Variants in RIMS3 observed in about 807,000 individuals in gnomAD.
The protein encoded by RIMS3 is regulating synaptic membrane exocytosis protein 3.
Under a neutral mutation model 29.2 loss-of-function variants are expected in RIMS3, and 15 were observed. The ratio of observed to expected loss-of-function variants is 0.51; its 90% CI spans 0.34 to 0.79. The LOEUF (loss-of-function observed/expected upper bound fraction) is 0.79. RIMS3 is among the 30% of genes least tolerant of loss of function. RIMS3 has a pLI of 0.01. For synonymous variants in RIMS3, 161 were observed against 170.1 expected (o/e 0.95, Z 0.41); for missense variants, 342 against 421.4 (o/e 0.81, Z 1.65).
chr1:40,645,943 G>A (rs1570187394), intron 2 of RIMS3, among the ~76,000 whole-genome samples: 1 of 152,188 alleles, frequency 6.6e-6, no homozygotes, highest in African/African-American at 2.4e-5. Flanking sequence ...CACTCCCCAA[G>A]GGGCAGGAGG....
At chr1:40,674,093 A>G in the RIMS3 span, among the ~76,000 whole-genome samples, 1 of 152,232 alleles carries the variant, frequency 6.6e-6, no homozygotes, top group Non-Finnish European at 1.5e-5. Context: ...TACTTCTTCT[A>G]AAGTGCTCAT....
At chr1:40,686,396 T>TA in the RIMS3 span, among the ~76,000 whole-genome samples, 2 of 152,132 alleles carry the variant, frequency 1.3e-5, no homozygotes, top group Non-Finnish European at 2.9e-5. Flanking sequence ...CTCACGCCTG[T>TA]AATCCCAGCA....
chr1:40,673,069 A>T, the RIMS3 span, among the ~76,000 whole-genome samples: 1 of 151,922 alleles, frequency 6.6e-6, no homozygotes, highest in African/African-American at 2.4e-5. Context: ...AATCCCAGCC[A>T]CTTGGGAGGC....
intron 1 of RIMS3, among the ~76,000 whole-genome samples, chr1:40,650,628 A>G (rs1275989825): frequency 6.6e-6 from 1 of 151,930 alleles, no homozygotes; most frequent in African/African-American, 2.4e-5. Flanking sequence ...TAGGGAGGCC[A>G]AGGCAGGTGA....
rs1646519218 is a variant in RIMS3 at position 40,636,272 on chromosome 1, A to ATGGGAACT, written c.218-216_218-215insAGTTCCCA. ...CTGCTCCGGGCAGTGACACTGACAG[A>ATGGGAACT]GCAGACTAGAAAGATGGCTGCAGGC... is the stretch of plus-strand genomic sequence containing the variant. On this transcript the variant is annotated intron_variant, in intron 3 of 7. Coordinates refer to ENST00000372684, the MANE Select transcript of RIMS3 (RefSeq NM_014747.3). The surrounding 1 kb of genome is among the most constrained non-coding windows in gnomAD (Gnocchi z 4.2). 6.6e-6 allele frequency among the ~76,000 whole-genome samples: 1 copy of ATGGGAACT among 152,136 alleles called. No homozygotes were observed. The highest frequency in any genetic ancestry group is 2.4e-5 in the African/African-American group (1 of 41,430).
the RIMS3 span, among the ~76,000 whole-genome samples, chr1:40,684,909 T>C: frequency 1.3e-5 from 2 of 152,150 alleles, no homozygotes; most frequent in East Asian, 1.9e-4. Context: ...TGAGGTGGTG[T>C]TTCATCAGGG....
At chr1:40,646,058 G>C (rs1050545760) in intron 2 of RIMS3, among the ~76,000 whole-genome samples, 1 of 152,166 alleles carries the variant, frequency 6.6e-6, no homozygotes, top group Non-Finnish European at 1.5e-5. Context: ...TGTGGGATTC[G>C]AACGTGAACA....
rs878940586 is a variant in RIMS3 at position 40,626,044 on chromosome 1, A to C, written c.*473T>G. 5 of 194,850 alleles carry C rather than the reference A, an allele frequency of 2.6e-5. No homozygotes were observed. The South Asian group carries it at 4.1e-4, about 16-fold the overall frequency. 12.1% of individuals were successfully genotyped at this position (194,850 alleles called of 1,614,324 possible). ...CAGTGGCAGAGCCGGGAGAGTCAAG[A>C]GTGGAACAAAAGACAAGACAGAAAA... On this transcript the variant is annotated 3_prime_UTR_variant, in exon 8 of 8. Transcript: ENST00000372684.
At chr1:40,682,134 T>TC in the RIMS3 span, among the ~76,000 whole-genome samples, 1 of 152,194 alleles carries the variant, frequency 6.6e-6, no homozygotes, top group Non-Finnish European at 1.5e-5. Context: ...ATGCCTGGCC[T>TC]CCCTCTAATA....
chr1:40,656,448 T>G (rs569006118), intron 1 of RIMS3, among the ~76,000 whole-genome samples: 26 of 152,266 alleles, frequency 1.7e-4, no homozygotes, highest in Admixed American at 9.8e-4. Flanking sequence ...CTGAGAGCTC[T>G]CTGTTAAAAA....
chr1:40,670,746 G>A, the RIMS3 span, among the ~76,000 whole-genome samples: 3 of 150,774 alleles, frequency 2.0e-5, no homozygotes, highest in South Asian at 2.1e-4. Flanking sequence ...GTGCCACTAC[G>A]CCTGGCTAAT....
At chr1:40,629,964 T>G (rs1278153181) in intron 5 of RIMS3, among the ~76,000 whole-genome samples, 1 of 150,678 alleles carries the variant, frequency 6.6e-6, no homozygotes, top group Non-Finnish European at 1.5e-5. Flanking sequence ...TAGTCCCAGC[T>G]ACTTGGGAGG....
chr1:40,640,759 G>T (rs985468377), intron 3 of RIMS3, among the ~76,000 whole-genome samples: 5 of 152,208 alleles, frequency 3.3e-5, no homozygotes, highest in African/African-American at 1.2e-4. Context: ...TCTGCAGCTA[G>T]GTGTCTGAAA....
At chr1:40,629,417 G>A in intron 5 of RIMS3, 45 bp from the exon 6 acceptor site, 1 of 1,495,952 alleles carries the variant, frequency 6.7e-7, no homozygotes, top group African/African-American at 1.4e-5. Context: ...CAGACCAAGG[G>A]GCAGGCCAGC....
intron 1 of RIMS3, among the ~76,000 whole-genome samples, chr1:40,652,559 G>A (rs562379195): frequency 1.3e-5 from 2 of 152,208 alleles, no homozygotes; most frequent in Non-Finnish European, 2.9e-5. Flanking sequence ...CTAAAGGAAG[G>A]AGGCGGCAAC....
the RIMS3 span, among the ~76,000 whole-genome samples, chr1:40,688,151 GAC>G: frequency 6.6e-6 from 1 of 152,128 alleles, no homozygotes; most frequent in Non-Finnish European, 1.5e-5. Flanking sequence ...TTTCAGTAGA[GAC>G]GGGGTTTTAC....
chr1:40,676,081 G>C, the RIMS3 span, among the ~76,000 whole-genome samples: 1 of 152,058 alleles, frequency 6.6e-6, no homozygotes, highest in African/African-American at 2.4e-5. Flanking sequence ...TGAGAAGATA[G>C]AGAATAAATA....
chr1:40,642,052 AC>A (rs1646562368), intron 2 of RIMS3, 96 bp from the exon 3 acceptor site: 1 of 727,044 alleles, frequency 1.4e-6, no homozygotes, highest in African/African-American at 1.8e-5. Flanking sequence ...TGGGCTAGTC[AC>A]TTGACCTCTC....
At chr1:40,686,468 C>A in the RIMS3 span, among the ~76,000 whole-genome samples, 1 of 152,018 alleles carries the variant, frequency 6.6e-6, no homozygotes, top group Admixed American at 6.6e-5. Flanking sequence ...CTGGCTAACA[C>A]GGTGAAACCC....
Sources: allele counts gnomAD v4.1 joint callset (sites outside exome capture counted in the v4.1 genomes callset), GRCh38; gene constraint gnomAD v4.1.1; non-coding constraint Gnocchi (gnomAD v3.1); transcripts MANE v1.5; gene names NCBI Gene and HGNC (gene_info 2026-07-23, HGNC 2026-07-21).